Variants in UGGT1 observed in about 807,000 individuals in gnomAD.
The protein encoded by UGGT1 is UDP-glucose:glycoprotein glucosyltransferase 1.
In UGGT1, 107 loss-of-function variants were observed where a neutral mutation model predicts 203.9. The ratio of observed to expected loss-of-function variants is 0.52; its 90% CI spans 0.45 to 0.62. The LOEUF (loss-of-function observed/expected upper bound fraction) is 0.62, where lower values mean the gene tolerates loss of function less well. Ranked by LOEUF, UGGT1 falls within the 20% of genes least tolerant of loss-of-function variation. The pLI is 0.00. For synonymous variants in UGGT1, 628 were observed against 653.5 expected, an observed-to-expected ratio of 0.96 and a Z score of 0.59; for missense variants, 1,673 against 1,867.2, an observed-to-expected ratio of 0.90 and a Z score of 1.92.
At chr2:128,097,892 C>T (rs1234768872) in intron 2 of UGGT1, among the ~76,000 whole-genome samples, 6 of 152,128 alleles carry the variant, frequency 3.9e-5, no homozygotes, top group Admixed American at 6.5e-5. Flanking sequence ...GACAGGGTCT[C>T]GCTCTGTTGC....
rs372447248 is a variant in UGGT1 at position 128,156,368 on chromosome 2, T to C, written c.2237-24T>C. On this transcript the variant is annotated intron_variant, in intron 20 of 40. Coordinates refer to ENST00000259253, the MANE Select transcript of UGGT1 (RefSeq NM_020120.4). ...TCCAGAAATGATACTTTTTTTCTACTCTTTTCTCTTTACCTTTGTTCAGGA... is the reference window on the plus strand; with the variant it reads ...TCCAGAAATGATACTTTTTTTCTACCCTTTTCTCTTTACCTTTGTTCAGGA... The C allele has an allele frequency of 1.9e-6, 3 of 1,573,790 alleles. No homozygotes were observed. The African/African-American group carries it at 4.1e-5, about 21-fold the overall frequency.
At chr2:128,102,001 A>G (rs545447767) in intron 2 of UGGT1, among the ~76,000 whole-genome samples, 2 of 152,294 alleles carry the variant, frequency 1.3e-5, no homozygotes, top group African/African-American at 4.8e-5. Context: ...AGAGAATGGT[A>G]TAATGTACTC....
intron 26 of UGGT1, 60 bp from the exon 27 acceptor site, chr2:128,170,227 CA>C: frequency 1.1e-5 from 16 of 1,451,054 alleles, no homozygotes; most frequent in East Asian, 2.3e-5. Flanking sequence ...TTATATTGTA[CA>C]AAAAAAACTT....
At chr2:128,140,044 G>C (rs1383490150) in intron 16 of UGGT1, 1 of 153,384 alleles carries the variant, frequency 6.5e-6, no homozygotes, top group Non-Finnish European at 1.5e-5. Flanking sequence ...ATCTTCATGA[G>C]TGGTAATAGG....
intron 11 of UGGT1, among the ~76,000 whole-genome samples, chr2:128,124,185 A>T (rs1315528232): frequency 6.6e-6 from 1 of 152,080 alleles, no homozygotes; most frequent in African/African-American, 2.4e-5. Context: ...TGACCTCATG[A>T]TCCACCCGCC....
Position 128,160,533 on chromosome 2 carries a change from A to T in UGGT1, c.2636A>T (p.Tyr879Phe). 2 of 1,613,466 alleles carry T rather than the reference A, an allele frequency of 1.2e-6. No individual in the cohort carries two copies. Among genetic ancestry groups the T allele is most frequent in the East Asian group, 2.2e-5 (1 of 44,856 alleles). ...GATTTCATTTTGTCTCATGCCGTGT[A>T]CTGCAGGGATGTTCTGAAGCTGAAG... The part of the protein sequence containing the change: ...KMDFILSHAV[Y>F]CRDVLKLKKG... Residue 879 changes from tyrosine to phenylalanine, a missense_variant, in exon 24 of 41, where the codon TAC becomes TTC. Tyr to Phe is a conservative substitution (Grantham distance 22, BLOSUM62 3). This residue lies in a region of UGGT1 where 1,073 missense variants were observed against 1,078.7 expected (regional missense o/e 0.99). Coordinates refer to ENST00000259253, the MANE Select transcript of UGGT1 (RefSeq NM_020120.4).
At chr2:128,171,552 G>C (rs964026380) in intron 28 of UGGT1, among the ~76,000 whole-genome samples, 2 of 152,144 alleles carry the variant, frequency 1.3e-5, no homozygotes, top group Non-Finnish European at 2.9e-5. Context: ...CTGTCGCCCA[G>C]ATTGGAGTGC....
chr2:128,125,981 C>T (rs1381558855), intron 11 of UGGT1, among the ~76,000 whole-genome samples: 2 of 137,086 alleles, frequency 1.5e-5, no homozygotes, highest in South Asian at 4.6e-4. Flanking sequence ...CTTGCTGTGT[C>T]GCCCAGGCTG....
intron 22 of UGGT1, among the ~76,000 whole-genome samples, chr2:128,157,982 C>A (rs1463930985): frequency 6.6e-6 from 1 of 152,134 alleles, no homozygotes; most frequent in Non-Finnish European, 1.5e-5. Context: ...CCTTTCCACC[C>A]TGTACCTGGG....
intron 2 of UGGT1, among the ~76,000 whole-genome samples, chr2:128,101,773 C>T (rs533727487): frequency 2.6e-5 from 4 of 152,126 alleles, no homozygotes; most frequent in East Asian, 1.9e-4. Flanking sequence ...ACTGTAACAT[C>T]GTAGAGCCTC....
chr2:128,109,553 A>G (rs1025582855), intron 4 of UGGT1, 81 bp from the exon 5 acceptor site: 31 of 1,129,842 alleles, frequency 2.7e-5, no homozygotes, highest in African/African-American at 2.3e-4. Context: ...TCATAATTTA[A>G]TCACCTATTT....
At chr2:128,157,492 A>T in intron 22 of UGGT1, 146 bp downstream of exon 22, 1 of 603,566 alleles carries the variant, frequency 1.7e-6, no homozygotes. Context: ...ATCTCTAGAG[A>T]TCTGCCAGCT....
At chr2:128,138,250 T>C (rs1174863498) in intron 15 of UGGT1, among the ~76,000 whole-genome samples, 1 of 152,216 alleles carries the variant, frequency 6.6e-6, no homozygotes, top group Non-Finnish European at 1.5e-5. Context: ...CCGGGCATGG[T>C]GGCTCATGCC....
At chr2:128,175,103 C>T (rs1035749746) in intron 31 of UGGT1, among the ~76,000 whole-genome samples, 2 of 152,190 alleles carry the variant, frequency 1.3e-5, no homozygotes, top group African/African-American at 4.8e-5. Flanking sequence ...TTTGTGCTAA[C>T]AATATCCCAG....
chr2:128,184,639 T>A (rs1052171801), intron 38 of UGGT1, among the ~76,000 whole-genome samples: 1 of 152,216 alleles, frequency 6.6e-6, no homozygotes, highest in Non-Finnish European at 1.5e-5. Context: ...CATTTTCTTC[T>A]CCTCTATCTC....
At chr2:128,129,007 C>T (rs1326377290) in intron 12 of UGGT1, 22 bp from the exon 13 acceptor site, 2 of 1,515,062 alleles carry the variant, frequency 1.3e-6, no homozygotes, top group African/African-American at 1.4e-5. Context: ...TAGTAAATAT[C>T]TCTTTTTGTT....
At position 128,190,158 on chromosome 2, in the gene UGGT1, G is replaced by A. The variant is rs539301576; in HGVS notation, c.*416G>A. 13 of 163,736 alleles carry A rather than the reference G, an allele frequency of 7.9e-5. No individual in the cohort carries two copies. In the South Asian group the frequency reaches 2.1e-3, roughly 27 times the overall value. 10.1% of individuals were successfully genotyped at this position (163,736 alleles called of 1,614,324 possible). On this transcript the variant is annotated 3_prime_UTR_variant, in exon 41 of 41. Coordinates refer to ENST00000259253, the MANE Select transcript of UGGT1 (RefSeq NM_020120.4). ...TACCTGCGGCCTGCGCTGCACTGCA[G>A]ATGCCCACCCTGCCCTGGGTCTGGC... is the stretch of plus-strand genomic sequence containing the variant.
Position 128,159,748 on chromosome 2 carries a change from G to C in UGGT1, c.2562+28G>C, listed in dbSNP as rs368521001. ...AAGGCTCTGAGCCTCTCATGAGGCT[G>C]CCCCATTTTGTCTGCCACGGAAGCT... On this transcript the variant is annotated intron_variant, in intron 23 of 40. Coordinates refer to ENST00000259253, the MANE Select transcript of UGGT1 (RefSeq NM_020120.4). 1.3e-4 allele frequency: 216 copies of C among 1,600,704 alleles called. 2 individuals are homozygous for C. The South Asian group carries it at 2.2e-3, about 16-fold the overall frequency.
chr2:128,177,527 T>G lies in UGGT1; in HGVS notation c.3625-305T>G, dbSNP rs73955979. On this transcript the variant is annotated intron_variant, in intron 32 of 40. Transcript: ENST00000259253. ...TTCCCTGGAACTAGCTGTTGACTCA[T>G]TGAATCGTGCTTCTGGTTTCACTGC... Among the ~76,000 whole-genome samples the G allele has an allele frequency of 4.1e-3, 626 of 151,866 alleles. 6 individuals carry two copies. Among genetic ancestry groups the G allele is most frequent in the African/African-American group, 0.013 (548 of 41,442 alleles).
Sources: gnomAD v4.1 joint callset for allele counts (sites outside exome capture counted in the v4.1 genomes callset) on GRCh38, gnomAD v4.1.1 for gene constraint, gnomAD v4.1.1 regional missense constraint, MANE v1.5 for transcripts, NCBI Gene and HGNC (gene_info 2026-07-23, HGNC 2026-07-21) for gene names.